OTULIN: variants seen among roughly 807,000 people sequenced by gnomAD.
The protein encoded by OTULIN is ubiquitin thioesterase otulin.
OTULIN carries 15 observed loss-of-function variants against 39.6 expected under a neutral mutation model. That is an observed-to-expected ratio of 0.38 (90% confidence interval 0.25 to 0.58). OTULIN has a LOEUF of 0.58. OTULIN is among the 20% of genes least tolerant of loss of function. The probability of loss-of-function intolerance (pLI) is 0.66; values close to 1 mark genes in which losing one functional copy is unlikely to be tolerated. For synonymous variants in OTULIN, 156 were observed against 170.3 expected, an observed-to-expected ratio of 0.92 and a Z score of 0.65; for missense variants, 319 against 445.9, an observed-to-expected ratio of 0.72 and a Z score of 2.56.
the OTULIN span, chr5:14,708,592 C>T: frequency 1.3e-5 from 2 of 152,214 alleles, no homozygotes; most frequent in African/African-American, 2.4e-5. Context: ...TTAGAAGAAA[C>T]GCAGGAGAAT....
chr5:14,679,777 A>G (rs1325630577), intron 3 of OTULIN, among the ~76,000 whole-genome samples: 5 of 152,368 alleles, frequency 3.3e-5, no homozygotes, highest in East Asian at 1.9e-4. Flanking sequence ...CTGAGAGCAG[A>G]TGATAGTTCT....
At chr5:14,684,632 T>C (rs564639833) in intron 4 of OTULIN, among the ~76,000 whole-genome samples, 3 of 152,348 alleles carry the variant, frequency 2.0e-5, no homozygotes, top group South Asian at 4.1e-4. Flanking sequence ...GCAGTGTGAC[T>C]GAAATAAATC....
At chr5:14,700,571 C>A (rs1262596595), downstream of OTULIN, among the ~76,000 whole-genome samples, 1 of 144,334 alleles carries the variant, frequency 6.9e-6, no homozygotes, top group Non-Finnish European at 1.5e-5. Flanking sequence ...CCTCCCCAAC[C>A]CTCCCCATCC....
chr5:14,664,841 A>T lies in OTULIN; in HGVS notation c.16A>T (p.Met6Leu). 8.2e-7 allele frequency: 1 copy of T among 1,216,578 alleles called. No individual in the cohort carries two copies. The highest frequency in any genetic ancestry group is 1.0e-6 in the Non-Finnish European group (1 of 976,716). 75.4% of individuals were successfully genotyped at this position (1,216,578 alleles called of 1,614,324 possible). A position where few individuals can be genotyped will look rare whatever the true frequency, so the allele number is the denominator to read the frequency against. The part of the protein sequence containing the change: MSRGT[M>L]PQPEAWPGAS... Reference sequence around the variant, plus strand: ...GAGCGACCGCATGAGTCGGGGGACTATGCCCCAGCCCGAAGCGTGGCCAGG... The same window carrying T: ...GAGCGACCGCATGAGTCGGGGGACTTTGCCCCAGCCCGAAGCGTGGCCAGG... Residue 6 changes from methionine to leucine, a missense_variant, in exon 1 of 7, where the codon ATG (methionine) becomes TTG (leucine). Physicochemically the swap from Met to Leu is conservative, Grantham distance 15 (BLOSUM62 2). Transcript: ENST00000284274.
rs1299258669 is a variant in OTULIN, at chr5:14,690,224, G to C, written c.780G>C (p.Leu260=). The change falls in exon 6 of 7, where the codon CTG becomes CTC. Residue 260 remains leucine (L), a synonymous_variant. Transcript: ENST00000284274. This position sits in a 1 kb window ranked among gnomAD's most constrained non-coding sequence, Gnocchi z 4.5. Reference sequence around the variant, plus strand: ...AAGTACCATTTTTCTCTGTGCTTCTGTTTGCTCGGGACACATCAAATGACC... The same window carrying C: ...AAGTACCATTTTTCTCTGTGCTTCTCTTTGCTCGGGACACATCAAATGACC... ...GKEVPFFSVL[L]FARDTSNDPG... 3 of 1,614,194 alleles carry C rather than the reference G, an allele frequency of 1.9e-6. No homozygotes were observed. Among genetic ancestry groups the C allele is most frequent in the East Asian group, 2.2e-5 (1 of 44,890 alleles).
intron 1 of OTULIN, among the ~76,000 whole-genome samples, chr5:14,671,521 A>T (rs573895147): frequency 6.6e-6 from 1 of 152,344 alleles, no homozygotes; most frequent in Admixed American, 6.5e-5. Context: ...AGGGGCTGAA[A>T]GATGTTAAAT....
chr5:14,695,922 C>T lies in OTULIN; in HGVS notation c.*2874C>T, dbSNP rs1736654756. 6.6e-6 allele frequency: 1 copy of T among 151,464 alleles called. No homozygotes were observed. Among genetic ancestry groups the T allele is most frequent in the Admixed American group, 6.6e-5 (1 of 15,198 alleles). The allele number at this position is 151,464 out of a possible 1,614,324, so 9.4% of individuals were successfully genotyped here. ...TATTTAGCGATTTACACTTTTGTTA[C>T]TCTATTATATATTCAGTTAGTGTCT... On this transcript the variant is annotated 3_prime_UTR_variant, in exon 7 of 7. Coordinates refer to ENST00000284274, the MANE Select transcript of OTULIN (RefSeq NM_138348.6).
At chr5:14,672,411 C>T (rs1736000553) in intron 1 of OTULIN, among the ~76,000 whole-genome samples, 1 of 152,090 alleles carries the variant, frequency 6.6e-6, no homozygotes, top group African/African-American at 2.4e-5. Flanking sequence ...TGACTTCTTC[C>T]TCTTTCCCCC....
chr5:14,666,052 C>T (rs1275028100), intron 1 of OTULIN, among the ~76,000 whole-genome samples: 1 of 152,174 alleles, frequency 6.6e-6, no homozygotes, highest in Non-Finnish European at 1.5e-5. Flanking sequence ...GGGTCTCTTG[C>T]CCCCAAGCCC....
At chr5:14,710,160 G>A in the OTULIN span, 2 of 152,200 alleles carry the variant, frequency 1.3e-5, no homozygotes, top group Non-Finnish European at 2.9e-5. Context: ...TCAATTACCT[G>A]TACCGCAGAG....
downstream of OTULIN, among the ~76,000 whole-genome samples, chr5:14,704,329 C>CA (rs1194771023): frequency 0.7 from 46,029 of 65,470 alleles, 18,916 homozygotes; most frequent in Non-Finnish European, 0.77. Context: ...GACTCCGTCT[C>CA]AAAAAAAAAA....
At position 14,678,984 on chromosome 5, in the gene OTULIN, T is replaced by G. The variant is rs528436889; in HGVS notation, c.324+209T>G. 2.0e-5 allele frequency among the ~76,000 whole-genome samples: 3 copies of G among 152,340 alleles called. No individual in the cohort carries two copies. The South Asian group carries it at 6.2e-4, about 32-fold the overall frequency. ...TTAATATAGAATCAGCATCAGTTAT[T>G]CAGTGACGCAATTTCTTTGAAAAAC... On this transcript the variant is annotated intron_variant, in intron 3 of 6. Coordinates refer to ENST00000284274, the MANE Select transcript of OTULIN (RefSeq NM_138348.6).
At chr5:14,713,399 C>T in the OTULIN span, 2 of 1,221,844 alleles carry the variant, frequency 1.6e-6, no homozygotes, top group Non-Finnish European at 2.3e-6. This position sits in a 1 kb window ranked among gnomAD's most constrained non-coding sequence, Gnocchi z 4.4. Context: ...CCACCTGGTG[C>T]CTGGGCAGAC....
intron 2 of OTULIN, among the ~76,000 whole-genome samples, 173 bp from the exon 3 acceptor site, chr5:14,678,506 TTA>T (rs1736162564): frequency 6.6e-6 from 1 of 152,090 alleles, no homozygotes; most frequent in Non-Finnish European, 1.5e-5. Flanking sequence ...ACCCCCATGG[TTA>T]TCTAGGGGTG....
At chr5:14,686,730 A>G (rs1447485136) in intron 4 of OTULIN, among the ~76,000 whole-genome samples, 1 of 152,134 alleles carries the variant, frequency 6.6e-6, no homozygotes. Context: ...CTTACTTCCC[A>G]TGCTGTCATC....
chr5:14,666,006 A>G (rs956613069), intron 1 of OTULIN, among the ~76,000 whole-genome samples: 43 of 152,346 alleles, frequency 2.8e-4, no homozygotes, highest in Admixed American at 9.1e-4. Context: ...ATCATATCAG[A>G]GACTTAACCT....
intron 4 of OTULIN, among the ~76,000 whole-genome samples, chr5:14,682,800 T>A (rs1050244550): frequency 1.3e-5 from 2 of 152,170 alleles, no homozygotes; most frequent in African/African-American, 4.8e-5. Flanking sequence ...ATTCTAAGAA[T>A]TAGGCAGTGA....
At chr5:14,708,045 C>G in the OTULIN span, 2 of 152,304 alleles carry the variant, frequency 1.3e-5, no homozygotes, top group South Asian at 2.1e-4. Context: ...AGGTCCAATC[C>G]TACCGTGACT....
downstream of OTULIN, among the ~76,000 whole-genome samples, chr5:14,703,660 T>A (rs1321627176): frequency 6.6e-6 from 1 of 152,342 alleles, no homozygotes. Flanking sequence ...TGAATGATGC[T>A]GGGGCCAGCG....
Sources: allele counts gnomAD v4.1 joint callset (sites outside exome capture counted in the v4.1 genomes callset), GRCh38; gene constraint gnomAD v4.1.1; non-coding constraint Gnocchi (gnomAD v3.1); transcripts MANE v1.5; gene names NCBI Gene and HGNC (gene_info 2026-07-23, HGNC 2026-07-21).